The following CSMD3 variants were observed in gnomAD, a reference collection of about 807,000 sequenced individuals.
The protein encoded by CSMD3 is CUB and Sushi multiple domains 3.
In CSMD3, 177 loss-of-function variants were observed where a neutral mutation model predicts 435.2. The observed-to-expected ratio is 0.41, with a 90% CI of 0.36 to 0.46. The LOEUF (loss-of-function observed/expected upper bound fraction) is 0.46. Among genes scored for constraint, CSMD3 ranks in the 20% least tolerant of loss-of-function variants. The pLI is 0.34. For synonymous variants in CSMD3, 1,656 were observed against 1,520.5 expected (o/e 1.09, Z -2.07); for missense variants, 4,265 against 4,504.6 (o/e 0.95, Z 1.52).
chr8:112,270,363 T>TGTGTGTGTGTGTGTGTGTTAGGGGTGA lies in CSMD3; in HGVS notation c.9509-4774_9509-4773insTCACCCCTAACACACACACACACACAC, dbSNP rs1563717439. 2.1e-4 allele frequency among the ~76,000 whole-genome samples: 29 copies of TGTGTGTGTGTGTGTGTGTTAGGGGTGA among 139,656 alleles called. 1 individual carries two copies. In the South Asian group the frequency reaches 2.6e-3, roughly 12 times the overall value. 91.6% of individuals were successfully genotyped at this position (139,656 alleles called of 152,430 possible). A position where few individuals can be genotyped will look rare whatever the true frequency, so the allele number is the denominator to read the frequency against. Reference sequence around the variant, plus strand: ...GGGTGAGTGTGTGTGTGTGTGTGTGTGTGTGTGTGTGTGTGTGTGTGTGTG... The same window carrying TGTGTGTGTGTGTGTGTGTTAGGGGTGA: ...GGGTGAGTGTGTGTGTGTGTGTGTGTGTGTGTGTGTGTGTGTGTTAGGGGTGAGTGTGTGTGTGTGTGTGTGTGTGTG... On this transcript the variant is annotated intron_variant, in intron 59 of 70. Coordinates refer to ENST00000297405, the MANE Select transcript of CSMD3 (RefSeq NM_198123.2).
chr8:112,798,498 T>C (rs2078880650), intron 13 of CSMD3, among the ~76,000 whole-genome samples: 1 of 151,810 alleles, frequency 6.6e-6, no homozygotes, highest in South Asian at 2.1e-4. Flanking sequence ...AGTAGGGCAT[T>C]ATTCATTTAG....
At chr8:113,104,217 G>A (rs1374437234) in intron 4 of CSMD3, among the ~76,000 whole-genome samples, 1 of 152,064 alleles carries the variant, frequency 6.6e-6, no homozygotes, top group African/African-American at 2.4e-5. Context: ...TAGGAGAGAA[G>A]TACACTTGGT....
chr8:112,302,202 C>CATAAAG (rs1820986769), intron 52 of CSMD3, among the ~76,000 whole-genome samples: 1 of 141,892 alleles, frequency 7.0e-6, no homozygotes, highest in African/African-American at 2.6e-5. Context: ...ACATAAAGTT[C>CATAAAG]TTTTTTTTTC....
At chr8:113,219,992 T>C (rs2092948283) in intron 3 of CSMD3, among the ~76,000 whole-genome samples, 1 of 151,524 alleles carries the variant, frequency 6.6e-6, no homozygotes, top group Non-Finnish European at 1.5e-5. Flanking sequence ...CAATTCAATA[T>C]ATAAAATAGC....
intron 1 of CSMD3, among the ~76,000 whole-genome samples, chr8:113,405,113 CT>C (rs2094526936): frequency 6.6e-6 from 1 of 151,378 alleles, no homozygotes; most frequent in Admixed American, 6.6e-5. Context: ...ATGAAGGAGG[CT>C]TTCTTTGTGT....
intron 3 of CSMD3, among the ~76,000 whole-genome samples, chr8:113,267,860 T>G (rs2093485111): frequency 6.6e-6 from 1 of 151,762 alleles, no homozygotes; most frequent in Non-Finnish European, 1.5e-5. Context: ...ACTATAATTT[T>G]ATTGATTATA....
At chr8:112,735,544 G>A (rs1468559771) in intron 13 of CSMD3, among the ~76,000 whole-genome samples, 1 of 151,888 alleles carries the variant, frequency 6.6e-6, no homozygotes, top group Non-Finnish European at 1.5e-5. Context: ...GTTCTAGACT[G>A]GAAATACACA....
chr8:112,908,795 GT>G (rs955158501), intron 10 of CSMD3, among the ~76,000 whole-genome samples: 3 of 151,470 alleles, frequency 2.0e-5, no homozygotes, highest in Non-Finnish European at 4.4e-5. Flanking sequence ...TTTCACAAAA[GT>G]TTTTCTCAGC....
intron 36 of CSMD3, among the ~76,000 whole-genome samples, chr8:112,383,871 C>A (rs756309698): frequency 3.9e-5 from 6 of 152,130 alleles, no homozygotes; most frequent in Non-Finnish European, 8.8e-5. Context: ...CTTTGAAGCA[C>A]CGACCAATGT....
At chr8:112,444,125 G>T (rs933180104) in intron 32 of CSMD3, among the ~76,000 whole-genome samples, 4 of 152,138 alleles carry the variant, frequency 2.6e-5, no homozygotes, top group Non-Finnish European at 5.9e-5. Flanking sequence ...TGTAAAAGGA[G>T]CATATGGGAA....
rs751121747 is a variant in CSMD3 at position 112,800,196 on chromosome 8, A to C, written c.1938T>G (p.Ser646Arg). ...TAACCTTGAAACCAACAGATCCAACACTTTCGTCCGTTTGAAGGTGCAGCC... is the reference window on the plus strand; with the variant it reads ...TAACCTTGAAACCAACAGATCCAACCCTTTCGTCCGTTTGAAGGTGCAGCC... Reference protein sequence around the residue: ...QMWLHLQTDESVGSVGFKVNY... With the variant: ...QMWLHLQTDERVGSVGFKVNY... Residue 646 changes from serine to arginine, a missense_variant, in exon 13 of 71, where the codon AGT (serine) becomes AGG (arginine). By Grantham distance (110) the Ser-to-Arg change is moderately radical. Around this residue, in one of 3 missense-constraint regions of CSMD3, gnomAD observed 279 missense variants for 369.0 expected, o/e 0.76. Coordinates refer to ENST00000297405, the MANE Select transcript of CSMD3 (RefSeq NM_198123.2). 2 of 1,612,604 alleles carry C rather than the reference A, an allele frequency of 1.2e-6. No individual in the cohort carries two copies. Among genetic ancestry groups the C allele is most frequent in the Non-Finnish European group, 1.7e-6 (2 of 1,178,830 alleles).
intron 32 of CSMD3, among the ~76,000 whole-genome samples, chr8:112,426,439 C>T (rs1813078843): frequency 6.6e-6 from 1 of 152,068 alleles, no homozygotes; most frequent in Non-Finnish European, 1.5e-5. Context: ...GTAAGGAATG[C>T]CTGGCCACTC....
intron 9 of CSMD3, among the ~76,000 whole-genome samples, chr8:112,924,142 G>C (rs2130651895): frequency 6.6e-6 from 1 of 152,274 alleles, no homozygotes; most frequent in Middle Eastern, 3.4e-3. Context: ...GAATTGGGCA[G>C]TTGTTACAGG....
intron 13 of CSMD3, among the ~76,000 whole-genome samples, chr8:112,717,447 C>T (rs1319287867): frequency 2.0e-5 from 3 of 152,140 alleles, no homozygotes; most frequent in Non-Finnish European, 4.4e-5. Flanking sequence ...AATAGGAATG[C>T]TTTTACACTG....
chr8:112,478,213 T>C (rs957375011), intron 31 of CSMD3, among the ~76,000 whole-genome samples: 2 of 152,194 alleles, frequency 1.3e-5, no homozygotes, highest in Non-Finnish European at 2.9e-5. Context: ...ATCAGCAGTG[T>C]GAAAACGGGC....
At chr8:112,359,405 C>A (rs1456031641) in intron 38 of CSMD3, among the ~76,000 whole-genome samples, 1 of 152,054 alleles carries the variant, frequency 6.6e-6, no homozygotes, top group African/African-American at 2.4e-5. Context: ...ATATTTATCT[C>A]CCATCTGAGA....
intron 7 of CSMD3, among the ~76,000 whole-genome samples, chr8:112,961,763 A>T (rs2084238440): frequency 6.6e-6 from 1 of 151,986 alleles, no homozygotes; most frequent in African/African-American, 2.4e-5. Flanking sequence ...CATTGCATAA[A>T]GACTCTAAAA....
intron 13 of CSMD3, among the ~76,000 whole-genome samples, chr8:112,700,253 C>T (rs2076359901): frequency 6.6e-6 from 1 of 152,078 alleles, no homozygotes; most frequent in South Asian, 2.1e-4. Flanking sequence ...GTAATCCCAG[C>T]ACTTTGGGAG....
intron 4 of CSMD3, among the ~76,000 whole-genome samples, chr8:113,154,807 A>G (rs866868360): frequency 5.9e-5 from 9 of 151,972 alleles, no homozygotes; most frequent in African/African-American, 1.9e-4. Flanking sequence ...TGATGGAGAA[A>G]TTTTGGAATG....
Sources: gnomAD v4.1 joint callset for allele counts (sites outside exome capture counted in the v4.1 genomes callset) on GRCh38, gnomAD v4.1.1 for gene constraint, gnomAD v4.1.1 regional missense constraint, MANE v1.5 for transcripts, NCBI Gene and HGNC (gene_info 2026-07-23, HGNC 2026-07-21) for gene names.